The following SLC25A26 variants were observed in gnomAD, a reference collection of about 807,000 sequenced individuals.
The protein encoded by SLC25A26 is mitochondrial S-adenosylmethionine carrier protein.
In SLC25A26, 36 loss-of-function variants were observed where a neutral mutation model predicts 37.8. The observed-to-expected ratio is 0.95, with a 90% confidence interval of 0.73 to 1.26. The LOEUF (loss-of-function observed/expected upper bound fraction) is 1.26, where lower values mean the gene tolerates loss of function less well. SLC25A26 is among the 50% of genes most tolerant of loss of function. SLC25A26 has a pLI of 0.00. For missense variants in SLC25A26, 390 were observed against 331.1 expected (o/e 1.18, Z -1.38); for synonymous variants, 129 against 122.5 (o/e 1.05, Z -0.35).
intron 1 of SLC25A26, among the ~76,000 whole-genome samples, chr3:66,165,767 T>TC (rs1488954980): frequency 6.6e-6 from 1 of 152,084 alleles, no homozygotes; most frequent in Non-Finnish European, 1.5e-5. Flanking sequence ...ATTTGCCTTT[T>TC]CCCCCCATCA....
At chr3:66,296,724 T>G (rs2074914422) in intron 5 of SLC25A26, among the ~76,000 whole-genome samples, 1 of 152,244 alleles carries the variant, frequency 6.6e-6, no homozygotes, top group Non-Finnish European at 1.5e-5. Context: ...AACAGAAGCA[T>G]TGTTTTTAAC....
At chr3:66,340,031 A>G (rs977428261) in intron 5 of SLC25A26, among the ~76,000 whole-genome samples, 1 of 150,220 alleles carries the variant, frequency 6.7e-6, no homozygotes, top group Non-Finnish European at 1.5e-5. Flanking sequence ...ATTTTTATAT[A>G]GGGTTATGAG....
chr3:66,304,417 A>G (rs779373564), intron 5 of SLC25A26: 2 of 456,216 alleles, frequency 4.4e-6, no homozygotes, highest in Non-Finnish European at 4.4e-6. Context: ...TTGTGTTCAC[A>G]TGTCTGTTGT....
chr3:66,215,775 G>A (rs986999741), intron 1 of SLC25A26, among the ~76,000 whole-genome samples: 1 of 152,052 alleles, frequency 6.6e-6, no homozygotes, highest in African/African-American at 2.4e-5. Flanking sequence ...CTTTGCAGAT[G>A]GATTGAAATA....
rs536025076 is a variant in SLC25A26 at position 66,280,944 on chromosome 3, A to G, written c.453+17565A>G. ...CAAGAAATTTAATATTCACTAACTA[A>G]TATTATCTAATATGTGGTCAATTTC... On this transcript the variant is annotated intron_variant, in intron 5 of 9. Transcript: ENST00000354883. 3.9e-5 allele frequency among the ~76,000 whole-genome samples: 6 copies of G among 152,270 alleles called. No homozygotes were observed. The South Asian group carries it at 1.2e-3, about 32-fold the overall frequency.
At chr3:66,178,523 C>T (rs2070633445) in intron 1 of SLC25A26, among the ~76,000 whole-genome samples, 2 of 152,076 alleles carry the variant, frequency 1.3e-5, no homozygotes, top group African/African-American at 4.8e-5. Context: ...TTTATATTGG[C>T]TTCCACTGCC....
At chr3:66,158,035 T>C (rs1278244635) in intron 1 of SLC25A26, among the ~76,000 whole-genome samples, 2 of 152,198 alleles carry the variant, frequency 1.3e-5, no homozygotes, top group Non-Finnish European at 2.9e-5. Context: ...CTAGTCTTCA[T>C]TTAGAGACAA....
At chr3:66,164,397 C>G (rs149937455) in intron 1 of SLC25A26, among the ~76,000 whole-genome samples, 53 of 152,144 alleles carry the variant, frequency 3.5e-4, no homozygotes, top group African/African-American at 1.1e-3. Flanking sequence ...AAATAACTCC[C>G]AAAGCAGGAT....
At chr3:66,370,471 C>A in intron 8 of SLC25A26, 58 bp from the exon 9 acceptor site, 2 of 1,350,690 alleles carry the variant, frequency 1.5e-6, no homozygotes, top group Non-Finnish European at 2.1e-6. Context: ...ATCTGAGAGG[C>A]AAGTGTGTGA....
At chr3:66,295,470 C>G (rs1181417652) in intron 5 of SLC25A26, among the ~76,000 whole-genome samples, 1 of 146,894 alleles carries the variant, frequency 6.8e-6, no homozygotes, top group African/African-American at 2.5e-5. Flanking sequence ...GTGGTACGAT[C>G]GGCTTACTGC....
In SLC25A26 at chr3:66,378,189, C is replaced by CTTGT. The variant is rs3054003; in HGVS notation, c.*394_*397dup. On this transcript the variant is annotated 3_prime_UTR_variant, in exon 10 of 10. Coordinates refer to ENST00000354883, the MANE Select transcript of SLC25A26 (RefSeq NM_001379210.1). ...GATGGTTATAATTCTAAAAGAATAG[C>CTTGT]TTGTTTGTTTGTTTGGGAAAAGGAG... is the stretch of plus-strand genomic sequence containing the variant. The CTTGT allele has an allele frequency of 0.49, 76,744 of 156,610 alleles. 20,407 individuals are homozygous for CTTGT. The highest frequency in any genetic ancestry group is 0.77 in the East Asian group (4,139 of 5,410). The allele number at this position is 156,610 out of a possible 1,614,324, so 9.7% of individuals were successfully genotyped here.
chr3:66,332,017 C>T (rs191740307), intron 5 of SLC25A26, among the ~76,000 whole-genome samples: 9 of 152,190 alleles, frequency 5.9e-5, no homozygotes, highest in Non-Finnish European at 1.3e-4. Flanking sequence ...CTGCATCCCC[C>T]GCCTCCCAGG....
chr3:66,200,516 GACTATAC>G (rs1203111791), intron 1 of SLC25A26, among the ~76,000 whole-genome samples: 3 of 152,184 alleles, frequency 2.0e-5, no homozygotes, highest in African/African-American at 7.2e-5. Context: ...GTATTACAAA[GACTATAC>G]ACTGGTTACT....
intron 5 of SLC25A26, among the ~76,000 whole-genome samples, chr3:66,341,178 C>T (rs1396819483): frequency 6.6e-6 from 1 of 152,098 alleles, no homozygotes; most frequent in Non-Finnish European, 1.5e-5. Flanking sequence ...GGAAAGCATT[C>T]AGTCTGTCAC....
At chr3:66,294,222 C>T (rs928456653) in intron 5 of SLC25A26, among the ~76,000 whole-genome samples, 2 of 151,958 alleles carry the variant, frequency 1.3e-5, no homozygotes, top group Admixed American at 6.6e-5. Context: ...TTCTAGTTCT[C>T]CTTGTAGTAT....
chr3:66,347,336 GA>G (rs146788007), intron 6 of SLC25A26, among the ~76,000 whole-genome samples: 3 of 152,288 alleles, frequency 2.0e-5, no homozygotes, highest in African/African-American at 7.2e-5. Context: ...CACTTCTCAA[GA>G]GAAGACTTTC....
intron 5 of SLC25A26, among the ~76,000 whole-genome samples, chr3:66,309,348 T>A (rs1272468708): frequency 6.6e-6 from 1 of 152,162 alleles, no homozygotes; most frequent in African/African-American, 2.4e-5. Context: ...TTTATGGGAT[T>A]AGTGGTGATA....
intron 5 of SLC25A26, among the ~76,000 whole-genome samples, chr3:66,324,603 G>T (rs1238139825): frequency 6.6e-6 from 1 of 152,080 alleles, no homozygotes; most frequent in South Asian, 2.1e-4. Context: ...TTCAGGAAGG[G>T]GCTGTTACCA....
At chr3:66,314,728 G>C (rs1397377732) in intron 5 of SLC25A26, among the ~76,000 whole-genome samples, 1 of 151,634 alleles carries the variant, frequency 6.6e-6, no homozygotes, top group Non-Finnish European at 1.5e-5. Context: ...GTAGAATTCA[G>C]CTGTAAAACC....
Sources: gnomAD v4.1 joint callset for allele counts (sites outside exome capture counted in the v4.1 genomes callset) on GRCh38, gnomAD v4.1.1 for gene constraint, MANE v1.5 for transcripts, NCBI Gene and HGNC (gene_info 2026-07-23, HGNC 2026-07-21) for gene names.